The following CDH13 variants were observed in gnomAD, a reference collection of about 807,000 sequenced individuals.
The protein encoded by CDH13 is cadherin 13.
A neutral mutation model predicts 63.8 loss-of-function variants in CDH13; 24 were observed. The ratio of observed to expected loss-of-function variants is 0.38; its 90% CI spans 0.27 to 0.53. CDH13 has a LOEUF of 0.53. Among genes scored for constraint, CDH13 ranks in the 20% least tolerant of loss-of-function variants. CDH13 has a pLI of 0.85. For missense variants in CDH13, 1,049 were observed against 903.1 expected (o/e 1.16, Z -2.07); for synonymous variants, 503 against 355.3 (o/e 1.42, Z -4.67).
At chr16:82,748,492 G>C (rs764321138) in intron 1 of CDH13, among the ~76,000 whole-genome samples, 4 of 152,144 alleles carry the variant, frequency 2.6e-5, no homozygotes, top group Non-Finnish European at 5.9e-5. Context: ...ATTGAGCTTT[G>C]GTTGTATGGG....
chr16:83,671,519 A>C (rs996311274), intron 9 of CDH13, among the ~76,000 whole-genome samples: 2 of 152,120 alleles, frequency 1.3e-5, no homozygotes, highest in African/African-American at 4.8e-5. Flanking sequence ...AAAATGCTGG[A>C]GTTACAAGTG....
At chr16:82,805,954 C>T (rs1597649129) in intron 1 of CDH13, among the ~76,000 whole-genome samples, 1 of 152,310 alleles carries the variant, frequency 6.6e-6, no homozygotes, top group African/African-American at 2.4e-5. Flanking sequence ...AAAACTTTAG[C>T]AAAGTCCATT....
chr16:82,915,603 C>G (rs1218201168), intron 2 of CDH13, among the ~76,000 whole-genome samples: 1 of 151,888 alleles, frequency 6.6e-6, no homozygotes, highest in Non-Finnish European at 1.5e-5. Flanking sequence ...TGTACAGCAC[C>G]TAAAATATCC....
At chr16:83,604,365 T>C (rs867205865) in intron 8 of CDH13, among the ~76,000 whole-genome samples, 98 of 152,284 alleles carry the variant, frequency 6.4e-4, no homozygotes, top group African/African-American at 2.3e-3. Flanking sequence ...CAGTTCTAAT[T>C]AGTTCCAAAC....
chr16:83,127,362 G>C (rs1030730405), intron 4 of CDH13, among the ~76,000 whole-genome samples: 2 of 152,190 alleles, frequency 1.3e-5, no homozygotes, highest in African/African-American at 4.8e-5. Context: ...GAGCAGTAGA[G>C]AGGAGTGGAA....
At chr16:83,435,107 C>T (rs1251730278) in intron 6 of CDH13, among the ~76,000 whole-genome samples, 1 of 151,606 alleles carries the variant, frequency 6.6e-6, no homozygotes, top group Non-Finnish European at 1.5e-5. Context: ...AGTGCAACGG[C>T]ACAATCTCGG....
chr16:82,735,246 C>G lies in CDH13; in HGVS notation c.45+108109C>G, dbSNP rs139566687. ...TTTGCTTAGCTTAGGTTTACCTGTGCTCATCATTTTCCAGGGTGTACAGAA... is the reference window on the plus strand; with the variant it reads ...TTTGCTTAGCTTAGGTTTACCTGTGGTCATCATTTTCCAGGGTGTACAGAA... On this transcript the variant is annotated intron_variant, in intron 1 of 13. Coordinates refer to ENST00000567109, the MANE Select transcript of CDH13 (RefSeq NM_001257.5). Among the ~76,000 whole-genome samples, 448 of 152,304 alleles carry G rather than the reference C, an allele frequency of 2.9e-3. 5 individuals carry two copies. The highest frequency in any genetic ancestry group is 9.6e-3 in the African/African-American group (401 of 41,568).
At chr16:83,061,352 G>C (rs1020734595) in intron 3 of CDH13, among the ~76,000 whole-genome samples, 1 of 151,950 alleles carries the variant, frequency 6.6e-6, no homozygotes, top group African/African-American at 2.4e-5. Flanking sequence ...TGGATTTTTT[G>C]TGTCCCTTAC....
chr16:83,144,318 C>A (rs1469148774), intron 4 of CDH13, among the ~76,000 whole-genome samples: 1 of 152,148 alleles, frequency 6.6e-6, no homozygotes, highest in Non-Finnish European at 1.5e-5. Flanking sequence ...AAGTGAACAC[C>A]ACCTAACCAA....
intron 6 of CDH13, among the ~76,000 whole-genome samples, chr16:83,375,661 G>A (rs138332580): frequency 1.6e-3 from 247 of 152,312 alleles, no homozygotes; most frequent in African/African-American, 5.7e-3. Flanking sequence ...TAAGCTGATG[G>A]GGTGAGGCTA....
intron 1 of CDH13, among the ~76,000 whole-genome samples, chr16:82,828,936 C>G (rs1267338391): frequency 6.6e-6 from 1 of 152,092 alleles, no homozygotes; most frequent in Non-Finnish European, 1.5e-5. Context: ...GACAATTGTG[C>G]TAACCTTTTA....
chr16:83,049,687 C>G (rs1341118213), intron 3 of CDH13, among the ~76,000 whole-genome samples: 2 of 152,148 alleles, frequency 1.3e-5, no homozygotes, highest in African/African-American at 4.8e-5. Context: ...ATCACTACTT[C>G]ATTCCTTTTT....
At chr16:83,390,383 G>A (rs2091762985) in intron 6 of CDH13, among the ~76,000 whole-genome samples, 4 of 152,022 alleles carry the variant, frequency 2.6e-5, no homozygotes, top group Admixed American at 6.5e-5. Flanking sequence ...ACCATGTATG[G>A]TTAAGTCCCG....
chr16:83,474,824 T>C (rs1219416484), intron 6 of CDH13, among the ~76,000 whole-genome samples: 5 of 152,268 alleles, frequency 3.3e-5, no homozygotes, highest in East Asian at 3.9e-4. Flanking sequence ...CCTAGAGCAG[T>C]GACTGTTTGA....
In CDH13 at chr16:82,733,055, A is replaced by G. The variant is rs574911392; in HGVS notation, c.45+105918A>G. On this transcript the variant is annotated intron_variant, in intron 1 of 13. Coordinates refer to ENST00000567109, the MANE Select transcript of CDH13 (RefSeq NM_001257.5). Reference sequence around the variant, plus strand: ...GTAACCAGGTTTATTCCACAGGCATACTCTGCAATGTGTGGGTAATTGTGC... The same window carrying G: ...GTAACCAGGTTTATTCCACAGGCATGCTCTGCAATGTGTGGGTAATTGTGC... Among the ~76,000 whole-genome samples, 207 of 152,292 alleles carry G rather than the reference A, an allele frequency of 1.4e-3. 3 individuals are homozygous for G. Among genetic ancestry groups the G allele is most frequent in the Non-Finnish European group, 1.8e-3 (121 of 68,020 alleles).
intron 3 of CDH13, among the ~76,000 whole-genome samples, chr16:83,070,536 TA>T (rs563497254): frequency 1.3e-5 from 2 of 152,142 alleles, no homozygotes; most frequent in African/African-American, 2.4e-5. Context: ...GGTGCAGTAT[TA>T]AAAAAACTAT....
chr16:82,665,945 A>G (rs1912532383), intron 1 of CDH13, among the ~76,000 whole-genome samples: 1 of 152,170 alleles, frequency 6.6e-6, no homozygotes, highest in African/African-American at 2.4e-5. Flanking sequence ...TCAAAATCTG[A>G]AAAATGGTTT....
intron 6 of CDH13, 129 bp downstream of exon 6, chr16:83,345,135 C>A: frequency 9.7e-7 from 1 of 1,025,734 alleles, no homozygotes; most frequent in Non-Finnish European, 1.4e-6. Flanking sequence ...CTTAATACTT[C>A]CCTGCGTAGA....
intron 5 of CDH13, among the ~76,000 whole-genome samples, chr16:83,271,072 C>A (rs961418495): frequency 1.9e-4 from 29 of 151,974 alleles, no homozygotes; most frequent in African/African-American, 6.5e-4. Flanking sequence ...TTTTAGGGAG[C>A]CCAAAGTCCT....
Sources: gnomAD v4.1 joint callset for allele counts (sites outside exome capture counted in the v4.1 genomes callset) on GRCh38, gnomAD v4.1.1 for gene constraint, MANE v1.5 for transcripts, NCBI Gene and HGNC (gene_info 2026-07-23, HGNC 2026-07-21) for gene names.